Variants in MGMT observed in about 807,000 individuals in gnomAD.
MGMT encodes O-6-methylguanine-DNA methyltransferase.
Under a neutral mutation model 15.9 loss-of-function variants are expected in MGMT, and 14 were observed. The ratio of observed to expected loss-of-function variants is 0.88; its 90% CI spans 0.58 to 1.37. MGMT has a LOEUF of 1.37. MGMT is among the 40% of genes most tolerant of loss of function. The probability of loss-of-function intolerance (pLI) is 0.00; values close to 1 mark genes in which losing one functional copy is unlikely to be tolerated. For synonymous variants in MGMT, 130 were observed against 118.2 expected (o/e 1.10, Z -0.65); for missense variants, 282 against 268.1 (o/e 1.05, Z -0.36).
intron 1 of MGMT, among the ~76,000 whole-genome samples, chr10:129,488,215 C>G (rs1390286489): frequency 6.6e-6 from 1 of 152,098 alleles, no homozygotes; most frequent in East Asian, 1.9e-4. Context: ...AGACCCCAGT[C>G]AGTTAATCCA....
intron 3 of MGMT, among the ~76,000 whole-genome samples, chr10:129,747,669 G>T (rs1848709766): frequency 6.6e-6 from 1 of 152,054 alleles, no homozygotes; most frequent in Non-Finnish European, 1.5e-5. Context: ...ACCATTGTTG[G>T]TACCTTAATA....
intron 2 of MGMT, among the ~76,000 whole-genome samples, chr10:129,687,612 A>G (rs896349584): frequency 2.0e-5 from 3 of 151,524 alleles, no homozygotes; most frequent in East Asian, 1.9e-4. Context: ...GAGTTACTCC[A>G]TATTGCTTTG....
rs146088526 is a variant in MGMT at position 129,613,409 on chromosome 10, C to T, written c.125+77032C>T. On this transcript the variant is annotated intron_variant, in intron 2 of 4. Coordinates refer to ENST00000651593, the MANE Select transcript of MGMT (RefSeq NM_002412.5). ...TTAGGTGGGCTTCAGTGATTTGGGC[C>T]GGAAGGAAATGGTGCCCCTTTCCTC... is the stretch of plus-strand genomic sequence containing the variant. 1.2e-4 allele frequency among the ~76,000 whole-genome samples: 19 copies of T among 152,272 alleles called. No homozygotes were observed. In the East Asian group the frequency reaches 3.3e-3, roughly 26 times the overall value.
At chr10:129,475,542 G>A (rs1342647869) in intron 1 of MGMT, among the ~76,000 whole-genome samples, 3 of 152,322 alleles carry the variant, frequency 2.0e-5, no homozygotes, top group South Asian at 2.1e-4. Flanking sequence ...AAGCCCATGT[G>A]TGCTATTCTT....
chr10:129,528,633 G>A (rs907770751), intron 1 of MGMT, among the ~76,000 whole-genome samples: 6 of 151,308 alleles, frequency 4.0e-5, no homozygotes, highest in Non-Finnish European at 5.9e-5. Flanking sequence ...GAGACCTGCC[G>A]TGTGGAGACT....
intron 1 of MGMT, among the ~76,000 whole-genome samples, chr10:129,534,868 C>G (rs994823947): frequency 6.6e-6 from 1 of 151,964 alleles, no homozygotes; most frequent in Non-Finnish European, 1.5e-5. Context: ...TCCAGGGGTC[C>G]GCAGGCCTTT....
chr10:129,682,743 GA>G, intron 2 of MGMT, among the ~76,000 whole-genome samples: 1 of 152,290 alleles, frequency 6.6e-6, no homozygotes, highest in East Asian at 1.9e-4. Context: ...TGATTATGTA[GA>G]AAGTTAAGCT....
chr10:129,717,400 AC>A (rs1466976358), intron 3 of MGMT, among the ~76,000 whole-genome samples: 3 of 152,182 alleles, frequency 2.0e-5, no homozygotes, highest in Non-Finnish European at 2.9e-5. Context: ...CATTTGTGGG[AC>A]CTGGGTATTG....
rs190276913 is a variant in MGMT, at chr10:129,481,483, A to G, written c.-13+14187A>G. 1.7e-3 allele frequency among the ~76,000 whole-genome samples: 264 copies of G among 152,282 alleles called. 1 individual carries two copies. Among genetic ancestry groups the G allele is most frequent in the African/African-American group, 5.9e-3 (247 of 41,562 alleles). ...ACTCATAAAATGAGGCCTCTTCTAT[A>G]TTTTGGATTAGTTTGTGTACCGTTA... On this transcript the variant is annotated intron_variant, in intron 1 of 4. Transcript: ENST00000651593.
At chr10:129,703,036 C>T (rs1254627062) in intron 2 of MGMT, among the ~76,000 whole-genome samples, 1 of 152,262 alleles carries the variant, frequency 6.6e-6, no homozygotes, top group Middle Eastern at 3.4e-3. Context: ...TGTGTCATGG[C>T]TTTAAAAATC....
chr10:129,709,498 C>T (rs1045136509), intron 3 of MGMT, among the ~76,000 whole-genome samples: 6 of 152,112 alleles, frequency 3.9e-5, no homozygotes, highest in Admixed American at 6.6e-5. Flanking sequence ...TTTGGGGGTT[C>T]GCCTGCCAGG....
intron 2 of MGMT, among the ~76,000 whole-genome samples, chr10:129,562,292 T>C (rs1846290021): frequency 6.6e-6 from 1 of 152,208 alleles, no homozygotes; most frequent in Non-Finnish European, 1.5e-5. Flanking sequence ...TGGGACGCCA[T>C]TCGAACCTGG....
At chr10:129,590,548 C>T (rs1846671508) in intron 2 of MGMT, among the ~76,000 whole-genome samples, 1 of 152,168 alleles carries the variant, frequency 6.6e-6, no homozygotes, top group East Asian at 1.9e-4. Context: ...CATGGAATTG[C>T]TGGTCGAGGC....
At chr10:129,687,835 T>C (rs940790094) in intron 2 of MGMT, among the ~76,000 whole-genome samples, 3 of 152,068 alleles carry the variant, frequency 2.0e-5, no homozygotes, top group African/African-American at 7.2e-5. Flanking sequence ...CTCCTAATGC[T>C]ATCCCTCCCC....
chr10:129,533,283 C>T lies in MGMT; in HGVS notation c.-12-2958C>T, dbSNP rs945224. On this transcript the variant is annotated intron_variant, in intron 1 of 4. Coordinates refer to ENST00000651593, the MANE Select transcript of MGMT (RefSeq NM_002412.5). This position sits in a 1 kb window ranked among gnomAD's most constrained non-coding sequence, Gnocchi z 4.5. ...AGTTGTGGAGTAGCCTTTCAGTAAA[C>T]GGCATTTGTGCTTAAATTAGCCCGT... 6.3e-3 allele frequency among the ~76,000 whole-genome samples: 959 copies of T among 152,342 alleles called. 10 individuals carry two copies. The highest frequency in any genetic ancestry group is 0.022 in the African/African-American group (909 of 41,566).
intron 2 of MGMT, among the ~76,000 whole-genome samples, chr10:129,651,701 C>A (rs1248442068): frequency 6.6e-6 from 1 of 152,148 alleles, no homozygotes; most frequent in Admixed American, 6.5e-5. Context: ...CATCCTGGCC[C>A]TGTTGGATTG....
At chr10:129,486,576 C>T (rs1296364364) in intron 1 of MGMT, among the ~76,000 whole-genome samples, 4 of 152,146 alleles carry the variant, frequency 2.6e-5, no homozygotes, top group African/African-American at 9.7e-5. Flanking sequence ...AAGTGAATCC[C>T]AGATCACAGG....
At position 129,581,179 on chromosome 10, in the gene MGMT, G is replaced by A. The variant is rs923511344; in HGVS notation, c.125+44802G>A. Among the ~76,000 whole-genome samples, 15 of 152,280 alleles carry A rather than the reference G, an allele frequency of 9.9e-5. No homozygotes were observed. The Middle Eastern group carries it at 0.017, about 173-fold the overall frequency. On this transcript the variant is annotated intron_variant, in intron 2 of 4. Coordinates refer to ENST00000651593, the MANE Select transcript of MGMT (RefSeq NM_002412.5). The stretch of plus-strand genomic sequence containing the variant: ...TGGAAGGTGTTTGCCGTGACCTGTC[G>A]CGGGCTGAGCTTTTTGGTAGCCTGG...
intron 3 of MGMT, among the ~76,000 whole-genome samples, chr10:129,729,331 G>T (rs528084617): frequency 2.6e-5 from 4 of 152,286 alleles, no homozygotes; most frequent in African/African-American, 4.8e-5. Context: ...GCAGCAGGTC[G>T]CAATGTCTTG....
Sources: allele counts gnomAD v4.1 joint callset (sites outside exome capture counted in the v4.1 genomes callset), GRCh38; gene constraint gnomAD v4.1.1; non-coding constraint Gnocchi (gnomAD v3.1); transcripts MANE v1.5; gene names NCBI Gene and HGNC (gene_info 2026-07-23, HGNC 2026-07-21).